Variants in PTPRN2 observed in about 807,000 individuals in gnomAD.
PTPRN2 encodes protein tyrosine phosphatase receptor type N2.
A neutral mutation model predicts 118.8 loss-of-function variants in PTPRN2; 74 were observed. The ratio of observed to expected loss-of-function variants is 0.62; its 90% CI spans 0.52 to 0.76. PTPRN2 has a LOEUF of 0.76. Ranked by LOEUF, PTPRN2 falls within the 30% of genes least tolerant of loss-of-function variation. PTPRN2 has a pLI of 0.00. For synonymous variants in PTPRN2, 641 were observed against 608.0 expected (o/e 1.05, Z -0.80); for missense variants, 1,481 against 1,394.4 (o/e 1.06, Z -0.99).
At chr7:157,908,542 G>A (rs1005966020) in intron 11 of PTPRN2, among the ~76,000 whole-genome samples, 1 of 152,216 alleles carries the variant, frequency 6.6e-6, no homozygotes. Flanking sequence ...AGCTCTAGAA[G>A]TACTCACGGA....
At chr7:158,272,200 G>A (rs540277797) in intron 3 of PTPRN2, among the ~76,000 whole-genome samples, 21 of 152,288 alleles carry the variant, frequency 1.4e-4, no homozygotes, top group African/African-American at 3.9e-4. Context: ...CAAGCCAAGT[G>A]GAACTGGTCC....
intron 11 of PTPRN2, chr7:158,028,210 A>C (rs1398869968): frequency 3.3e-5 from 5 of 152,210 alleles, no homozygotes; most frequent in African/African-American, 4.8e-5. Flanking sequence ...CATGGCTGAA[A>C]ACCCCACCAG....
chr7:157,754,679 G>A (rs1190464149), intron 12 of PTPRN2, among the ~76,000 whole-genome samples: 1 of 152,258 alleles, frequency 6.6e-6, no homozygotes, highest in Non-Finnish European at 1.5e-5. Context: ...GTGTTTTACT[G>A]AAGTTCACGG....
chr7:158,192,857 A>G (rs6944451), intron 4 of PTPRN2, among the ~76,000 whole-genome samples: 146,662 of 152,290 alleles, frequency 0.96, 70,666 homozygotes, highest in East Asian at 1. Flanking sequence ...TGAGGCAGCC[A>G]GAGGCCGGGT....
chr7:158,565,858 G>A lies in PTPRN2; in HGVS notation c.112+21700C>T, dbSNP rs532217495. On this transcript the variant is annotated intron_variant, in intron 1 of 22. Transcript: ENST00000389418. The surrounding 1 kb of genome is among the most constrained non-coding windows in gnomAD (Gnocchi z 4.6). ...TGCAGGATATTCTGATGAGGAAACC[G>A]AGGCATGGAGCTTCTTAGGAACTTT... Among the ~76,000 whole-genome samples the A allele has an allele frequency of 3.7e-4, 56 of 152,260 alleles. No individual in the cohort carries two copies. The highest frequency in any genetic ancestry group is 1.2e-3 in the African/African-American group (49 of 41,530).
intron 2 of PTPRN2, among the ~76,000 whole-genome samples, chr7:158,392,139 G>C (rs1440234975): frequency 6.6e-6 from 1 of 152,146 alleles, no homozygotes; most frequent in Non-Finnish European, 1.5e-5. Flanking sequence ...GGCTTCCGTG[G>C]GGAGGGAATG....
At chr7:158,142,880 G>A (rs1356677420) in intron 6 of PTPRN2, among the ~76,000 whole-genome samples, 1 of 152,166 alleles carries the variant, frequency 6.6e-6, no homozygotes, top group African/African-American at 2.4e-5. Flanking sequence ...ACAGGCTCAC[G>A]TTGTTTCACA....
At chr7:158,368,917 A>G (rs1809740248) in intron 2 of PTPRN2, among the ~76,000 whole-genome samples, 1 of 152,154 alleles carries the variant, frequency 6.6e-6, no homozygotes, top group Admixed American at 6.5e-5. Flanking sequence ...TGAAGGATGG[A>G]AAGTATTGAT....
intron 14 of PTPRN2, 117 bp from the exon 15 acceptor site, chr7:157,621,626 C>T (rs937741870): frequency 4.4e-5 from 58 of 1,321,262 alleles, no homozygotes; most frequent in African/African-American, 4.4e-4. Context: ...ACCTTGCTCA[C>T]GAGCCTGGGC....
At chr7:157,756,475 T>A (rs1303734663) in intron 12 of PTPRN2, among the ~76,000 whole-genome samples, 1 of 152,008 alleles carries the variant, frequency 6.6e-6, no homozygotes. Flanking sequence ...TTTGTATTTT[T>A]AATAGAGACG....
intron 11 of PTPRN2, among the ~76,000 whole-genome samples, chr7:158,016,348 G>A (rs1806455953): frequency 1.3e-5 from 2 of 152,304 alleles, no homozygotes; most frequent in East Asian, 3.9e-4. Context: ...CAGCACAGAC[G>A]CGCCTGGCTG....
Position 158,542,081 on chromosome 7 carries a change from C to A in PTPRN2, c.112+45477G>T, listed in dbSNP as rs1344903499. On this transcript the variant is annotated intron_variant, in intron 1 of 22. Coordinates refer to ENST00000389418, the MANE Select transcript of PTPRN2 (RefSeq NM_002847.5). ...ATCTGGCTTGAGTTACAGTCTTTAACAAAATAAAACCATGAGTTTTCTAGA... is the reference window on the plus strand; with the variant it reads ...ATCTGGCTTGAGTTACAGTCTTTAAAAAAATAAAACCATGAGTTTTCTAGA... Among the ~76,000 whole-genome samples the A allele has an allele frequency of 2.6e-5, 4 of 152,234 alleles. No individual in the cohort carries two copies. The East Asian group carries it at 5.8e-4, about 22-fold the overall frequency.
At chr7:158,198,554 G>C (rs1826394160) in intron 4 of PTPRN2, among the ~76,000 whole-genome samples, 1 of 152,196 alleles carries the variant, frequency 6.6e-6, no homozygotes, top group Admixed American at 6.5e-5. Flanking sequence ...AGTTCTCTGT[G>C]AAGTCATCGG....
At chr7:157,910,393 G>C (rs1798029723) in intron 11 of PTPRN2, among the ~76,000 whole-genome samples, 1 of 141,324 alleles carries the variant, frequency 7.1e-6, no homozygotes, top group Non-Finnish European at 1.5e-5. Context: ...GTACGCCGTG[G>C]GGACGGGTCC....
intron 2 of PTPRN2, among the ~76,000 whole-genome samples, chr7:158,339,027 G>T (rs1586366640): frequency 2.9e-4 from 2 of 6,840 alleles, no homozygotes; most frequent in Non-Finnish European, 5.5e-4. Context: ...GACACCTGCA[G>T]ACGTCACTCA....
chr7:158,226,642 G>C (rs974946893), intron 3 of PTPRN2, among the ~76,000 whole-genome samples: 1 of 151,252 alleles, frequency 6.6e-6, no homozygotes, highest in African/African-American at 2.4e-5. Context: ...CAAGGTGCAC[G>C]CTGCATATGA....
chr7:158,348,744 C>T (rs186406050), intron 2 of PTPRN2, among the ~76,000 whole-genome samples: 3 of 152,312 alleles, frequency 2.0e-5, no homozygotes, highest in South Asian at 4.1e-4. Context: ...GTCTCCTGCC[C>T]CAACAAGGTG....
chr7:158,001,247 G>T (rs796794491), intron 11 of PTPRN2, among the ~76,000 whole-genome samples: 1 of 151,610 alleles, frequency 6.6e-6, no homozygotes, highest in Non-Finnish European at 1.5e-5. Flanking sequence ...CGTAGGTGGG[G>T]TACAGGGTGG....
chr7:158,505,019 T>A (rs1822640983), intron 1 of PTPRN2, among the ~76,000 whole-genome samples: 1 of 152,238 alleles, frequency 6.6e-6, no homozygotes, highest in South Asian at 2.1e-4. Flanking sequence ...CTTCTTAATT[T>A]GTTAAAATGC....
Sources: allele counts gnomAD v4.1 joint callset (sites outside exome capture counted in the v4.1 genomes callset), GRCh38; gene constraint gnomAD v4.1.1; non-coding constraint Gnocchi (gnomAD v3.1); transcripts MANE v1.5; gene names NCBI Gene and HGNC (gene_info 2026-07-23, HGNC 2026-07-21).